The following SETBP1 variants were observed in gnomAD, a reference collection of about 807,000 sequenced individuals.
SETBP1 encodes the protein SET binding protein 1.
Under a neutral mutation model 101.0 loss-of-function variants are expected in SETBP1, and 9 were observed. The ratio of observed to expected loss-of-function variants is 0.09; its 90% CI spans 0.05 to 0.16. The LOEUF (loss-of-function observed/expected upper bound fraction) is 0.16. Among genes scored for constraint, SETBP1 ranks in the 10% least tolerant of loss-of-function variants. The pLI, the probability that SETBP1 is intolerant of heterozygous loss-of-function variation, is 1.00. For missense variants in SETBP1, 1,858 were observed against 2,033.8 expected, an observed-to-expected ratio of 0.91 and a Z score of 1.66; for synonymous variants, 818 against 788.5, an observed-to-expected ratio of 1.04 and a Z score of -0.63.
intron 2 of SETBP1, among the ~76,000 whole-genome samples, chr18:44,745,067 C>T (rs765039638): frequency 6.6e-6 from 1 of 152,128 alleles, no homozygotes; most frequent in Non-Finnish European, 1.5e-5. Flanking sequence ...CTCATTTCAG[C>T]GTGATTTACT....
At chr18:44,727,032 A>G (rs146106634) in intron 2 of SETBP1, among the ~76,000 whole-genome samples, 125 of 152,316 alleles carry the variant, frequency 8.2e-4, no homozygotes, top group African/African-American at 2.9e-3. Flanking sequence ...TTTTTTTAAC[A>G]CTATAAACAT....
chr18:44,830,927 A>G (rs1017921279), intron 2 of SETBP1, among the ~76,000 whole-genome samples: 1 of 152,150 alleles, frequency 6.6e-6, no homozygotes, highest in Non-Finnish European at 1.5e-5. Flanking sequence ...TGACTGCCTT[A>G]TAGAGGGAGT....
At chr18:44,793,799 A>G (rs1342837013) in intron 2 of SETBP1, among the ~76,000 whole-genome samples, 2 of 152,320 alleles carry the variant, frequency 1.3e-5, no homozygotes, top group Admixed American at 6.5e-5. Context: ...TAATTATCCA[A>G]TTAGGAAGAT....
At chr18:44,739,957 A>G (rs1450582389) in intron 2 of SETBP1, among the ~76,000 whole-genome samples, 1 of 152,198 alleles carries the variant, frequency 6.6e-6, no homozygotes. Flanking sequence ...GGAAGAATAG[A>G]AAGTCTGCCT....
At chr18:44,934,143 C>A (rs62090472) in intron 3 of SETBP1, among the ~76,000 whole-genome samples, 2 of 147,876 alleles carry the variant, frequency 1.4e-5, no homozygotes, top group African/African-American at 5.0e-5. Flanking sequence ...CTGTTGTTTT[C>A]CCTTTTTTTT....
intron 2 of SETBP1, among the ~76,000 whole-genome samples, chr18:44,834,533 A>G (rs1447239226): frequency 1.3e-5 from 2 of 152,276 alleles, no homozygotes; most frequent in East Asian, 3.9e-4. Flanking sequence ...CCCAGAGATG[A>G]TTTGTGGCCC....
upstream of SETBP1, chr18:44,680,450 C>T (rs2068739817): frequency 6.6e-6 from 1 of 151,924 alleles, no homozygotes; most frequent in East Asian, 2.0e-4. Flanking sequence ...CCTCCCTCCG[C>T]GCCGCGGGCC....
chr18:44,806,361 A>G (rs1044388389), intron 2 of SETBP1, among the ~76,000 whole-genome samples: 3 of 152,102 alleles, frequency 2.0e-5, no homozygotes, highest in Non-Finnish European at 2.9e-5. Flanking sequence ...CTAATGCATC[A>G]TGTTTGATTC....
At chr18:44,811,265 G>A (rs1291268670) in intron 2 of SETBP1, among the ~76,000 whole-genome samples, 1 of 152,178 alleles carries the variant, frequency 6.6e-6, no homozygotes, top group Non-Finnish European at 1.5e-5. Context: ...TGATCCATCC[G>A]CCCATCACTC....
rs1441192468 is a variant in SETBP1 at position 44,842,782 on chromosome 18, C to T, written c.487-26448C>T. On this transcript the variant is annotated intron_variant, in intron 2 of 5. Transcript: ENST00000649279. Reference sequence around the variant, plus strand: ...CTTCTCTAGTTTTGTGGGTGGACTTCCATTTGGACACCCTGCTTACCTGTT... The same window carrying T: ...CTTCTCTAGTTTTGTGGGTGGACTTTCATTTGGACACCCTGCTTACCTGTT... 5.9e-5 allele frequency among the ~76,000 whole-genome samples: 9 copies of T among 152,306 alleles called. No homozygotes were observed. In the East Asian group the frequency reaches 1.7e-3, roughly 29 times the overall value.
intron 3 of SETBP1, among the ~76,000 whole-genome samples, chr18:44,887,862 C>T (rs942919289): frequency 6.6e-6 from 1 of 152,026 alleles, no homozygotes; most frequent in African/African-American, 2.4e-5. Flanking sequence ...GGTGGTCAAA[C>T]AAAGATCATG....
chr18:44,730,952 CAGTT>C, intron 2 of SETBP1, among the ~76,000 whole-genome samples: 1 of 152,292 alleles, frequency 6.6e-6, no homozygotes, highest in Non-Finnish European at 1.5e-5. Context: ...ATCAGGAACT[CAGTT>C]GGAGTGGCTG....
chr18:44,852,031 A>C, intron 2 of SETBP1, among the ~76,000 whole-genome samples: 1 of 152,156 alleles, frequency 6.6e-6, no homozygotes, highest in East Asian at 1.9e-4. Flanking sequence ...AGCTTTGATC[A>C]CACACACAAT....
chr18:45,055,070 A>G (rs1030252934), intron 5 of SETBP1, among the ~76,000 whole-genome samples: 1 of 152,218 alleles, frequency 6.6e-6, no homozygotes, highest in African/African-American at 2.4e-5. Flanking sequence ...AATATTAATC[A>G]AACATCTACT....
chr18:44,931,553 A>G (rs947800363), intron 3 of SETBP1, among the ~76,000 whole-genome samples: 3 of 152,054 alleles, frequency 2.0e-5, no homozygotes, highest in African/African-American at 7.3e-5. Context: ...AAAGTCTCCT[A>G]TTTTTATTCT....
intron 1 of SETBP1, among the ~76,000 whole-genome samples, chr18:44,699,903 G>A (rs1054292439): frequency 4.6e-5 from 7 of 152,198 alleles, no homozygotes; most frequent in African/African-American, 1.7e-4. Context: ...TTCTGAATAT[G>A]TCTTTGCAGG....
chr18:44,918,022 G>A (rs374518296), intron 3 of SETBP1, among the ~76,000 whole-genome samples: 5 of 152,176 alleles, frequency 3.3e-5, no homozygotes, highest in South Asian at 4.2e-4. Context: ...ACAGCATGCC[G>A]CCCTCGGTTT....
intron 2 of SETBP1, among the ~76,000 whole-genome samples, chr18:44,803,877 A>T (rs910147214): frequency 1.3e-5 from 2 of 151,958 alleles, no homozygotes; most frequent in East Asian, 3.9e-4. Flanking sequence ...TAGACAATTG[A>T]ATATTTTTTC....
chr18:44,803,131 G>A (rs2071643148), intron 2 of SETBP1, among the ~76,000 whole-genome samples: 2 of 152,110 alleles, frequency 1.3e-5, no homozygotes, highest in Admixed American at 1.3e-4. Flanking sequence ...CAGGGATTGG[G>A]GGAAGGGACA....
Sources: gnomAD v4.1 joint callset for allele counts (sites outside exome capture counted in the v4.1 genomes callset) on GRCh38, gnomAD v4.1.1 for gene constraint, MANE v1.5 for transcripts, NCBI Gene and HGNC (gene_info 2026-07-23, HGNC 2026-07-21) for gene names.